The following ARID2 variants were observed in gnomAD, a reference collection of about 807,000 sequenced individuals.
ARID2 encodes AT-rich interaction domain 2, also known as AT-rich interactive domain-containing protein 2.
A neutral mutation model predicts 184.6 loss-of-function variants in ARID2; 32 were observed. The observed-to-expected ratio is 0.17, with a 90% CI of 0.13 to 0.23. ARID2 has a LOEUF of 0.23. Among genes scored for constraint, ARID2 ranks in the 10% least tolerant of loss-of-function variants. The pLI is 1.00. For missense variants in ARID2, 1,696 were observed against 2,197.6 expected (o/e 0.77, Z 4.56); for synonymous variants, 836 against 772.6 (o/e 1.08, Z -1.36).
chr12:45,840,621 C>T (rs1393908085), intron 11 of ARID2: 1 of 152,284 alleles, frequency 6.6e-6, no homozygotes, highest in African/African-American at 2.4e-5. Context: ...TTAGCCATCA[C>T]ATCCATTCAT....
chr12:45,814,527 G>A (rs1942770722), intron 4 of ARID2, among the ~76,000 whole-genome samples: 1 of 152,088 alleles, frequency 6.6e-6, no homozygotes, highest in Non-Finnish European at 1.5e-5. Context: ...TCGCATGCCT[G>A]TAATCCCAGC....
Position 45,763,401 on chromosome 12 carries a change from C to T in ARID2, c.284+32087C>T, listed in dbSNP as rs141881498. Among the ~76,000 whole-genome samples the T allele has an allele frequency of 1.1e-4, 17 of 151,374 alleles. No individual in the cohort carries two copies. In the East Asian group the frequency reaches 2.9e-3, roughly 26 times the overall value. ...AGGAGAATCACTTGAACCCAGGAGG[C>T]GGAGGTTGCAGTGAGCCAAGACCGC... is the stretch of plus-strand genomic sequence containing the variant. On this transcript the variant is annotated intron_variant, in intron 3 of 20. Coordinates refer to ENST00000334344, the MANE Select transcript of ARID2 (RefSeq NM_152641.4).
chr12:45,893,794 G>T, intron 20 of ARID2, 73 bp downstream of exon 20: 1 of 1,228,332 alleles, frequency 8.1e-7, no homozygotes, highest in Non-Finnish European at 1.1e-6. Context: ...AATAAAATTA[G>T]ATAACTGTAT....
chr12:45,834,973 T>C (rs2138121933), intron 6 of ARID2, among the ~76,000 whole-genome samples: 1 of 152,298 alleles, frequency 6.6e-6, no homozygotes, highest in Non-Finnish European at 1.5e-5. Flanking sequence ...CCATTCTTTC[T>C]CTTCTTCAGG....
intron 3 of ARID2, among the ~76,000 whole-genome samples, chr12:45,794,322 C>A (rs1170511597): frequency 6.6e-6 from 1 of 152,158 alleles, no homozygotes; most frequent in African/African-American, 2.4e-5. Flanking sequence ...GCTGAGCAAC[C>A]TCAGCGTATG....
chr12:45,843,329 A>G (rs11183220), intron 11 of ARID2, among the ~76,000 whole-genome samples: 2 of 150,036 alleles, frequency 1.3e-5, no homozygotes, highest in African/African-American at 2.5e-5. Context: ...TTTCTGGGCT[A>G]CATTCCCTGA....
chr12:45,803,019 G>A (rs1408574199), intron 3 of ARID2, among the ~76,000 whole-genome samples: 1 of 151,082 alleles, frequency 6.6e-6, no homozygotes, highest in Admixed American at 6.6e-5. Flanking sequence ...TCCAATTAAA[G>A]CACCTGCTTA....
At chr12:45,825,342 C>G (rs901819090) in intron 6 of ARID2, among the ~76,000 whole-genome samples, 3 of 152,012 alleles carry the variant, frequency 2.0e-5, no homozygotes, top group African/African-American at 7.2e-5. Flanking sequence ...ATTAAAATAT[C>G]ACAGGTACCC....
At chr12:45,823,123 T>C (rs1222237137) in intron 6 of ARID2, among the ~76,000 whole-genome samples, 1 of 152,082 alleles carries the variant, frequency 6.6e-6, no homozygotes, top group Admixed American at 6.6e-5. Flanking sequence ...AAGTGTCTTC[T>C]TATATCGCAA....
At chr12:45,838,951 C>T (rs1018320294) in intron 10 of ARID2, among the ~76,000 whole-genome samples, 5 of 151,148 alleles carry the variant, frequency 3.3e-5, no homozygotes, top group Non-Finnish European at 5.9e-5. Context: ...CTGCAAGCTC[C>T]GCCTCCTGGG....
At chr12:45,734,824 G>A (rs752187966) in intron 3 of ARID2, among the ~76,000 whole-genome samples, 31 of 152,078 alleles carry the variant, frequency 2.0e-4, no homozygotes, top group Non-Finnish European at 3.4e-4. Flanking sequence ...GAAGATTTAG[G>A]TAAATATTTC....
chr12:45,765,918 A>C (rs1941762438), intron 3 of ARID2, among the ~76,000 whole-genome samples: 1 of 152,140 alleles, frequency 6.6e-6, no homozygotes, highest in South Asian at 2.1e-4. Context: ...ATTTTATATA[A>C]ATGAAATCAT....
intron 3 of ARID2, among the ~76,000 whole-genome samples, chr12:45,747,305 A>G (rs1262620881): frequency 6.6e-6 from 1 of 152,138 alleles, no homozygotes; most frequent in East Asian, 1.9e-4. Context: ...TTTTACAAAT[A>G]TTTATCTCAG....
At chr12:45,896,683 G>A (rs1205424495) in intron 20 of ARID2, among the ~76,000 whole-genome samples, 3 of 152,124 alleles carry the variant, frequency 2.0e-5, no homozygotes, top group Non-Finnish European at 4.4e-5. Context: ...CGTGAAAACG[G>A]ACTAATACAA....
chr12:45,795,692 T>G (rs574399697), intron 3 of ARID2, among the ~76,000 whole-genome samples: 2 of 137,780 alleles, frequency 1.5e-5, no homozygotes, highest in East Asian at 4.4e-4. Flanking sequence ...CGCCTTGGCC[T>G]CCCAAAGTGC....
chr12:45,805,563 CTAT>C (rs1398584306), intron 3 of ARID2, among the ~76,000 whole-genome samples: 4 of 151,908 alleles, frequency 2.6e-5, no homozygotes, highest in Admixed American at 2.6e-4. Flanking sequence ...CTTTCTGTAC[CTAT>C]TATTAGTCAT....
At position 45,847,574 on chromosome 12, in the gene ARID2, G is replaced by A. The variant is rs957306119; in HGVS notation, c.1580+637G>A. 5.3e-5 allele frequency among the ~76,000 whole-genome samples: 8 copies of A among 151,960 alleles called. No individual in the cohort carries two copies. In the South Asian group the frequency reaches 1.0e-3, roughly 20 times the overall value. On this transcript the variant is annotated intron_variant, in intron 12 of 20. Transcript: ENST00000334344. The stretch of plus-strand genomic sequence containing the variant: ...TTGCCTCAACATTAGTATGAAGTTC[G>A]GCTTAAATTCTTTAGAAGATTAACA...
At chr12:45,762,604 C>T (rs1287372266) in intron 3 of ARID2, among the ~76,000 whole-genome samples, 1 of 152,202 alleles carries the variant, frequency 6.6e-6, no homozygotes, top group Non-Finnish European at 1.5e-5. Flanking sequence ...CTACCATTAT[C>T]AATGTCTTCA....
chr12:45,743,607 A>G (rs902019975), intron 3 of ARID2, among the ~76,000 whole-genome samples: 3 of 152,062 alleles, frequency 2.0e-5, no homozygotes, highest in Non-Finnish European at 4.4e-5. Context: ...TTATTCTTTA[A>G]TGTTTATTTT....
Sources: gnomAD v4.1 joint callset for allele counts (sites outside exome capture counted in the v4.1 genomes callset) on GRCh38, gnomAD v4.1.1 for gene constraint, MANE v1.5 for transcripts, NCBI Gene and HGNC (gene_info 2026-07-23, HGNC 2026-07-21) for gene names.